Variants in SLCO6A1 observed in about 807,000 individuals in gnomAD.
SLCO6A1 encodes cancer/testis antigen 48.
In SLCO6A1, 65 loss-of-function variants were observed where a neutral mutation model predicts 72.7. The observed-to-expected ratio is 0.89, with a 90% CI of 0.73 to 1.10. SLCO6A1 has a LOEUF of 1.10. SLCO6A1 is among the 50% of genes least tolerant of loss of function. The pLI, the probability that SLCO6A1 is intolerant of heterozygous loss-of-function variation, is 0.00. For missense variants in SLCO6A1, 874 were observed against 872.6 expected, an observed-to-expected ratio of 1.00 and a Z score of -0.02; for synonymous variants, 314 against 298.2, an observed-to-expected ratio of 1.05 and a Z score of -0.55.
At chr5:102,484,354 A>G (rs1752346254) in intron 1 of SLCO6A1, among the ~76,000 whole-genome samples, 1 of 152,284 alleles carries the variant, frequency 6.6e-6, no homozygotes, top group South Asian at 2.1e-4. Context: ...TATTATATCA[A>G]AAGTCATATT....
At chr5:102,410,043 C>A (rs779211634) in intron 9 of SLCO6A1, among the ~76,000 whole-genome samples, 10 of 152,032 alleles carry the variant, frequency 6.6e-5, no homozygotes, top group Non-Finnish European at 1.3e-4. Context: ...GGCTAATGTG[C>A]CTTTGCCCAA....
chr5:102,447,700 C>T (rs558681585), intron 6 of SLCO6A1, among the ~76,000 whole-genome samples: 7 of 152,052 alleles, frequency 4.6e-5, no homozygotes, highest in Admixed American at 2.0e-4. Flanking sequence ...TTTTGTATAA[C>T]TGTGAGGTTA....
intron 9 of SLCO6A1, among the ~76,000 whole-genome samples, chr5:102,409,773 T>TA (rs1159421625): frequency 6.6e-6 from 1 of 152,162 alleles, no homozygotes; most frequent in East Asian, 1.9e-4. Flanking sequence ...CTTAGAGAAA[T>TA]ATAAAGAAAA....
chr5:102,379,675 G>A (rs1219384299), intron 12 of SLCO6A1, among the ~76,000 whole-genome samples: 1 of 149,002 alleles, frequency 6.7e-6, no homozygotes, highest in Admixed American at 6.8e-5. Context: ...GTTTTTATAT[G>A]TTAGCATATA....
chr5:102,388,339 T>A (rs1746530534), intron 12 of SLCO6A1, among the ~76,000 whole-genome samples: 1 of 152,018 alleles, frequency 6.6e-6, no homozygotes, highest in Middle Eastern at 3.2e-3. Flanking sequence ...TTTATTATTT[T>A]TTTATTTTTT....
intron 9 of SLCO6A1, among the ~76,000 whole-genome samples, chr5:102,411,297 C>A (rs550239637): frequency 2.8e-4 from 42 of 152,094 alleles, no homozygotes; most frequent in African/African-American, 9.6e-4. Context: ...TATGTTCTCA[C>A]TCTGTCACCC....
In SLCO6A1 at chr5:102,483,985, C is replaced by T. The variant is rs375723064; in HGVS notation, c.359-3551G>A. Among the ~76,000 whole-genome samples the T allele has an allele frequency of 2.6e-5, 4 of 152,274 alleles. No individual in the cohort carries two copies. In the East Asian group the frequency reaches 7.7e-4, roughly 29 times the overall value. ...ATGTGGCTAAAAATAATAAGAGTTT[C>T]TTATGAAACTAGGAGAGAAGCTCAC... On this transcript the variant is annotated intron_variant, in intron 1 of 13. Coordinates refer to ENST00000506729, the MANE Select transcript of SLCO6A1 (RefSeq NM_173488.5).
intron 12 of SLCO6A1, among the ~76,000 whole-genome samples, chr5:102,386,385 G>A (rs549558944): frequency 6.6e-6 from 1 of 152,252 alleles, no homozygotes; most frequent in South Asian, 2.1e-4. Context: ...TTTGGGGTGG[G>A]CCTTGTTTCT....
intron 8 of SLCO6A1, 74 bp from the exon 9 acceptor site, chr5:102,413,217 T>C (rs1459819126): frequency 2.4e-5 from 33 of 1,373,384 alleles, no homozygotes; most frequent in Non-Finnish European, 3.1e-5. Flanking sequence ...AAGATATCAG[T>C]GAGATCCATA....
rs138546406 is a variant in SLCO6A1, at chr5:102,454,150, A to G, written c.1131+4232T>C. 1.8e-3 allele frequency among the ~76,000 whole-genome samples: 270 copies of G among 152,318 alleles called. 1 individual carries two copies. Among genetic ancestry groups the G allele is most frequent in the African/African-American group, 6.4e-3 (264 of 41,572 alleles). On this transcript the variant is annotated intron_variant, in intron 6 of 13. Transcript: ENST00000506729. Reference sequence around the variant, plus strand: ...GGCCTTTTCCAAAGACTGGCCACCAATATTGTAATTGCTGACTACAATGTC... The same window carrying G: ...GGCCTTTTCCAAAGACTGGCCACCAGTATTGTAATTGCTGACTACAATGTC...
At chr5:102,375,469 T>C (rs548910402) in intron 12 of SLCO6A1, among the ~76,000 whole-genome samples, 2 of 152,294 alleles carry the variant, frequency 1.3e-5, no homozygotes, top group African/African-American at 4.8e-5. Context: ...GTCTGTATTA[T>C]TCTATTACAC....
At chr5:102,428,443 T>G (rs1003347556) in intron 7 of SLCO6A1, among the ~76,000 whole-genome samples, 1 of 152,026 alleles carries the variant, frequency 6.6e-6, no homozygotes, top group Non-Finnish European at 1.5e-5. Context: ...GATAACAAGG[T>G]AGGAAATCTT....
chr5:102,455,550 A>C (rs1311373956), intron 6 of SLCO6A1, among the ~76,000 whole-genome samples: 1 of 152,120 alleles, frequency 6.6e-6, no homozygotes, highest in African/African-American at 2.4e-5. Flanking sequence ...ATATTGAGAT[A>C]TTTTCCACAA....
At chr5:102,400,135 T>A (rs1303270701) in intron 9 of SLCO6A1, among the ~76,000 whole-genome samples, 1 of 151,978 alleles carries the variant, frequency 6.6e-6, no homozygotes, top group Non-Finnish European at 1.5e-5. Flanking sequence ...GTTACCCAAT[T>A]GTGAAAGGCT....
intron 9 of SLCO6A1, among the ~76,000 whole-genome samples, chr5:102,406,325 T>C (rs1034618400): frequency 6.6e-6 from 1 of 152,012 alleles, no homozygotes; most frequent in Admixed American, 6.5e-5. Flanking sequence ...AATGATTTAA[T>C]ATCATGCAAA....
At chr5:102,455,027 T>TATATATATATACATAA (rs144619414) in intron 6 of SLCO6A1, among the ~76,000 whole-genome samples, 3,852 of 141,688 alleles carry the variant, frequency 0.027, 128 homozygotes, top group African/African-American at 0.056. Context: ...TATATATATA[T>TATATATATATACATAA]AAATTATGTT....
At position 102,480,157 on chromosome 5, in the gene SLCO6A1, A is replaced by G. The variant is rs1169008501; in HGVS notation, c.616+20T>C. ...AATGAATATTGATTTGATGTATGAC[A>G]GTATATTTTAAAACCTTACCTTCAA... On this transcript the variant is annotated intron_variant, in intron 2 of 13. Coordinates refer to ENST00000506729, the MANE Select transcript of SLCO6A1 (RefSeq NM_173488.5). 1 of 1,579,936 alleles carries G rather than the reference A, an allele frequency of 6.3e-7. No homozygotes were observed. Among genetic ancestry groups the G allele is most frequent in the Non-Finnish European group, 8.6e-7 (1 of 1,159,670 alleles).
intron 6 of SLCO6A1, among the ~76,000 whole-genome samples, chr5:102,455,017 T>A (rs1233955869): frequency 9.9e-6 from 1 of 101,340 alleles, no homozygotes; most frequent in East Asian, 2.4e-4. Flanking sequence ...AATATATATA[T>A]ATATATATAT....
intron 2 of SLCO6A1, 21 bp downstream of exon 2, chr5:102,480,156 C>T (rs1752113346): frequency 6.3e-7 from 1 of 1,578,088 alleles, no homozygotes; most frequent in African/African-American, 1.4e-5. Flanking sequence ...TGATGTATGA[C>T]AGTATATTTT....
Sources: allele counts gnomAD v4.1 joint callset (sites outside exome capture counted in the v4.1 genomes callset), GRCh38; gene constraint gnomAD v4.1.1; transcripts MANE v1.5; gene names NCBI Gene and HGNC (gene_info 2026-07-23, HGNC 2026-07-21).